Variants in TERT observed in about 807,000 individuals in gnomAD.
TERT encodes telomerase catalytic subunit.
TERT carries 42 observed loss-of-function variants against 104.0 expected under a neutral mutation model. The ratio of observed to expected loss-of-function variants is 0.40; its 90% CI spans 0.32 to 0.52. The LOEUF is 0.52. Ranked by LOEUF, TERT falls within the 20% of genes least tolerant of loss-of-function variation. The probability of loss-of-function intolerance (pLI) is 0.43; values close to 1 mark genes in which losing one functional copy is unlikely to be tolerated. For synonymous variants in TERT, 781 were observed against 725.6 expected (o/e 1.08, Z -1.23); for missense variants, 1,101 against 1,610.3 (o/e 0.68, Z 5.41).
chr5:1,283,685 C>A (rs1367519164), intron 2 of TERT, among the ~76,000 whole-genome samples: 2 of 140,358 alleles, frequency 1.4e-5, no homozygotes, highest in African/African-American at 5.4e-5. Context: ...CCGGACACCA[C>A]ACATCCAGCC....
rs1452735498 is a variant in TERT at position 1,253,471 on chromosome 5, G to A, written c.*257C>T. 1.0e-5 allele frequency: 6 copies of A among 579,798 alleles called. No individual in the cohort carries two copies. The highest frequency in any genetic ancestry group is 1.9e-5 in the Non-Finnish European group (6 of 323,664). 35.9% of individuals were successfully genotyped at this position (579,798 alleles called of 1,614,324 possible). On this transcript the variant is annotated 3_prime_UTR_variant, in exon 16 of 16. Coordinates refer to ENST00000310581, the MANE Select transcript of TERT (RefSeq NM_198253.3). ...GAGGAAAAGCTGGCCCTGGGGTGGA[G>A]CCGAGCGCCAGCCTGTGGGGAAGTG...
Position 1,256,481 on chromosome 5 carries a change from C to G in TERT, c.3033-1070G>C, listed in dbSNP as rs930712440. Among the ~76,000 whole-genome samples the G allele has an allele frequency of 1.4e-4, 20 of 145,158 alleles. No homozygotes were observed. The highest frequency in any genetic ancestry group is 2.7e-4 in the Non-Finnish European group (18 of 66,916). ...TGCCTGAGCCCCCCGTGTACCTCAT[C>G]TCACCCAGTGCCTGAGCCCCCCATG... On this transcript the variant is annotated intron_variant, in intron 13 of 15. Transcript: ENST00000310581. This position sits in a 1 kb window ranked among gnomAD's most constrained non-coding sequence, Gnocchi z 7.0.
Position 1,286,350 on chromosome 5 carries a change from C to A in TERT, c.1574-3726G>T, listed in dbSNP as rs954582292. Among the ~76,000 whole-genome samples, 8 of 152,174 alleles carry A rather than the reference C, an allele frequency of 5.3e-5. No homozygotes were observed. Among genetic ancestry groups the A allele is most frequent in the Non-Finnish European group, 8.8e-5 (6 of 68,032 alleles). On this transcript the variant is annotated intron_variant, in intron 2 of 15. Transcript: ENST00000310581. The surrounding 1 kb of genome is among the most constrained non-coding windows in gnomAD (Gnocchi z 5.3). ...GGGACCCCAGACGGCGGGCCTGAGA[C>A]AGAAGACAGACGGGGAACAAAGGAG...
rs1747705187 is a variant in TERT at position 1,256,030 on chromosome 5, AG to A, written c.3033-620del. ...TTGTCAGTCTTCTTTGTTGTTGTTG[AG>A]ATGGGCTCTCACTCTGTCACCCAGG... On this transcript the variant is annotated intron_variant, in intron 13 of 15. Coordinates refer to ENST00000310581, the MANE Select transcript of TERT (RefSeq NM_198253.3). This position sits in a 1 kb window ranked among gnomAD's most constrained non-coding sequence, Gnocchi z 7.0. Among the ~76,000 whole-genome samples the A allele has an allele frequency of 6.6e-6, 1 of 151,878 alleles. No homozygotes were observed. The highest frequency in any genetic ancestry group is 2.1e-4 in the South Asian group (1 of 4,808).
rs549985960 is a variant in TERT at position 1,289,375 on chromosome 5, G to A, written c.1573+3938C>T. 3.9e-4 allele frequency among the ~76,000 whole-genome samples: 56 copies of A among 142,202 alleles called. 1 individual carries two copies. Among genetic ancestry groups the A allele is most frequent in the Admixed American group, 3.4e-3 (49 of 14,310 alleles). 93.3% of individuals were successfully genotyped at this position (142,202 alleles called of 152,430 possible). A position where few individuals can be genotyped will look rare whatever the true frequency, so the allele number is the denominator to read the frequency against. ...CCTACACGTGACAGGGACACCCGGG[G>A]ACGGGGCCTCACTCACCCTGCACGT... On this transcript the variant is annotated intron_variant, in intron 2 of 15. Transcript: ENST00000310581.
rs370445231 is a variant in TERT at position 1,260,593 on chromosome 5, G to A, written c.2851C>T (p.Arg951Trp). Residue 951 changes from arginine (R) to tryptophan (W), a missense_variant, in exon 12 of 16, where the codon CGG becomes TGG. Physicochemically the swap from Arg to Trp is moderately radical, Grantham distance 101. Transcript: ENST00000310581. ...GTGAGACTGGCTCTGATGGAGGTCC[G>A]GGCATAGCTGAGACACAGGGGGGAA... ...EVQSDYSSYA[R>W]TSIRASLTFN... The A allele has an allele frequency of 5.0e-6, 8 of 1,613,802 alleles. No individual in the cohort carries two copies. The highest frequency in any genetic ancestry group is 1.7e-5 in the Admixed American group (1 of 60,000).
Position 1,265,787 on chromosome 5 carries a change from C to A in TERT, c.2654+677G>T, listed in dbSNP as rs571061586. Among the ~76,000 whole-genome samples the A allele has an allele frequency of 3.9e-4, 59 of 152,238 alleles. 1 individual carries two copies. Among genetic ancestry groups the A allele is most frequent in the Middle Eastern group, 6.8e-3 (2 of 292 alleles). On this transcript the variant is annotated intron_variant, in intron 10 of 15. Transcript: ENST00000310581. The surrounding 1 kb of genome is among the most constrained non-coding windows in gnomAD (Gnocchi z 6.9). ...TTTACAGCTTTCAAGGTTTCTCGTC[C>A]CTCGTCAAATCGCACTTTAAAACAA...
intron 15 of TERT, among the ~76,000 whole-genome samples, chr5:1,254,138 C>T (rs1375678968): frequency 6.6e-6 from 1 of 152,200 alleles, no homozygotes; most frequent in African/African-American, 2.4e-5. Flanking sequence ...GGAGCCATCG[C>T]CCCTGAGATG....
Position 1,280,321 on chromosome 5 carries a change from A to C in TERT, c.1787T>G (p.Val596Gly), listed in dbSNP as rs1463357127. ...TGCTTCCGACAGCTCCCGCAGCTGCACCCTCTTCAAGTGCTGTCTGCAATA... is the reference window on the plus strand; with the variant it reads ...TGCTTCCGACAGCTCCCGCAGCTGCCCCCTCTTCAAGTGCTGTCTGCAATA... ...SIGIRQHLKR[V>G]QLRELSEAEV... The change falls in exon 4 of 16, where the codon GTG becomes GGG. Residue 596 changes from valine to glycine, a missense_variant. Val to Gly is a moderately radical substitution (Grantham distance 109). This residue lies in a region of TERT where 463 missense variants were observed against 797.5 expected (regional missense o/e 0.58). Transcript: ENST00000310581. 1 of 1,613,184 alleles carries C rather than the reference A, an allele frequency of 6.2e-7. No homozygotes were observed. The highest frequency in any genetic ancestry group is 2.2e-5 in the East Asian group (1 of 44,870).
intron 11 of TERT, 62 bp downstream of exon 11, chr5:1,264,342 G>A (rs1176182366): frequency 2.2e-5 from 33 of 1,524,524 alleles, no homozygotes; most frequent in East Asian, 1.9e-4. Flanking sequence ...TGGACGCAAC[G>A]GCCCTGCAGC....
rs1166869094 is a variant in TERT, at chr5:1,257,539, G to A, written c.3032+1059C>T. 6.6e-6 allele frequency among the ~76,000 whole-genome samples: 1 copy of A among 152,198 alleles called. No individual in the cohort carries two copies. Among genetic ancestry groups the A allele is most frequent in the African/African-American group, 2.4e-5 (1 of 41,450 alleles). On this transcript the variant is annotated intron_variant, in intron 13 of 15. Transcript: ENST00000310581. The surrounding 1 kb of genome is among the most constrained non-coding windows in gnomAD (Gnocchi z 5.6). ...ATTTGAGGCAGAGAGAGAAGGCAGAGAGGAGGGCGGTCTGAGCCGGACGCA... is the reference window on the plus strand; with the variant it reads ...ATTTGAGGCAGAGAGAGAAGGCAGAAAGGAGGGCGGTCTGAGCCGGACGCA...
intron 6 of TERT, among the ~76,000 whole-genome samples, chr5:1,275,982 A>G (rs1166473785): frequency 6.8e-6 from 1 of 147,954 alleles, no homozygotes; most frequent in African/African-American, 2.5e-5. Flanking sequence ...CCCACACATA[A>G]AAACCAACTC....
In TERT at chr5:1,292,232, C is replaced by A. The variant is rs2126681383; in HGVS notation, c.1573+1081G>T. ...TGGGGAGGGGGTGAAATCGGGACTTCTTCTAGCTGCCACGGTAGGGCCTGG... is the reference window on the plus strand; with the variant it reads ...TGGGGAGGGGGTGAAATCGGGACTTATTCTAGCTGCCACGGTAGGGCCTGG... On this transcript the variant is annotated intron_variant, in intron 2 of 15. Coordinates refer to ENST00000310581, the MANE Select transcript of TERT (RefSeq NM_198253.3). The surrounding 1 kb of genome is among the most constrained non-coding windows in gnomAD (Gnocchi z 5.5). 6.6e-6 allele frequency among the ~76,000 whole-genome samples: 1 copy of A among 152,252 alleles called. No individual in the cohort carries two copies. Among genetic ancestry groups the A allele is most frequent in the East Asian group, 1.9e-4 (1 of 5,174 alleles).
rs1250917525 is a variant in TERT, at chr5:1,265,479, T to C, written c.2655-887A>G. Among the ~76,000 whole-genome samples, 1 of 152,064 alleles carries C rather than the reference T, an allele frequency of 6.6e-6. No individual in the cohort carries two copies. Among genetic ancestry groups the C allele is most frequent in the Non-Finnish European group, 1.5e-5 (1 of 68,014 alleles). ...GGAACTTGCCACACAGAAGCAGCGTTCCCCGTCTGCTCTGTCCCCTCAGCA... is the reference window on the plus strand; with the variant it reads ...GGAACTTGCCACACAGAAGCAGCGTCCCCCGTCTGCTCTGTCCCCTCAGCA... On this transcript the variant is annotated intron_variant, in intron 10 of 15. Transcript: ENST00000310581. The surrounding 1 kb of genome is among the most constrained non-coding windows in gnomAD (Gnocchi z 6.9).
At position 1,274,179 on chromosome 5, in the gene TERT, G is replaced by A. The variant is rs143249773; in HGVS notation, c.2287-1899C>T. On this transcript the variant is annotated intron_variant, in intron 6 of 15. Transcript: ENST00000310581. This position sits in a 1 kb window ranked among gnomAD's most constrained non-coding sequence, Gnocchi z 5.3. ...TGTTCCCCAGCCCCCAGGAGCTGGC[G>A]GCAGGGCCGTGGGCTAAAACCACAT... 1.7e-3 allele frequency among the ~76,000 whole-genome samples: 260 copies of A among 152,302 alleles called. 2 individuals are homozygous for A. Among genetic ancestry groups the A allele is most frequent in the African/African-American group, 5.8e-3 (239 of 41,550 alleles).
At chr5:1,266,068 C>T (rs559082462) in intron 10 of TERT, among the ~76,000 whole-genome samples, 3 of 152,330 alleles carry the variant, frequency 2.0e-5, no homozygotes, top group South Asian at 2.1e-4. Flanking sequence ...CTGCTCTCCG[C>T]AGGCTCAGGT....
At position 1,254,589 on chromosome 5, in the gene TERT, G is replaced by A. The variant is rs556449957; in HGVS notation, c.3158-84C>T. The A allele has an allele frequency of 3.9e-5, 58 of 1,488,606 alleles. 1 individual carries two copies. The South Asian group carries it at 5.8e-4, about 15-fold the overall frequency. The allele number at this position is 1,488,606 out of a possible 1,614,324, so 92.2% of individuals were successfully genotyped here. On this transcript the variant is annotated intron_variant, in intron 14 of 15. Transcript: ENST00000310581. ...CACCGGAAAGCTGCCCACACCCGAC[G>A]GTCTGCGGGGTGGCTCCATCTCTGG...
rs1242749604 is a variant in TERT at position 1,256,886 on chromosome 5, C to T, written c.3033-1475G>A. ...TCCACCCCAAGCCCGTGTGGAGGCG[C>T]GGCCAGCACGGGCCAGGAAGGCCGA... On this transcript the variant is annotated intron_variant, in intron 13 of 15. Transcript: ENST00000310581. The surrounding 1 kb of genome is among the most constrained non-coding windows in gnomAD (Gnocchi z 7.0). Among the ~76,000 whole-genome samples, 2 of 152,124 alleles carry T rather than the reference C, an allele frequency of 1.3e-5. No homozygotes were observed. The highest frequency in any genetic ancestry group is 4.8e-5 in the African/African-American group (2 of 41,432).
Position 1,274,759 on chromosome 5 carries a change from G to A in TERT, c.2287-2479C>T, listed in dbSNP as rs561093058. On this transcript the variant is annotated intron_variant, in intron 6 of 15. Coordinates refer to ENST00000310581, the MANE Select transcript of TERT (RefSeq NM_198253.3). This position sits in a 1 kb window ranked among gnomAD's most constrained non-coding sequence, Gnocchi z 5.3. ...GTGCCACTCCACAGCCAGGGGCCTC[G>A]GGATCCCTGCTTTAGAGGGAAAACG... Among the ~76,000 whole-genome samples the A allele has an allele frequency of 1.3e-5, 2 of 152,342 alleles. No individual in the cohort carries two copies. Among genetic ancestry groups the A allele is most frequent in the South Asian group, 2.1e-4 (1 of 4,832 alleles).
Sources: gnomAD v4.1 joint callset for allele counts (sites outside exome capture counted in the v4.1 genomes callset) on GRCh38, gnomAD v4.1.1 for gene constraint, gnomAD v4.1.1 regional missense constraint, Gnocchi (gnomAD v3.1) non-coding constraint, MANE v1.5 for transcripts, NCBI Gene and HGNC (gene_info 2026-07-23, HGNC 2026-07-21) for gene names.